Variants in TRHDE observed in about 807,000 individuals in gnomAD.
TRHDE encodes thyrotropin-releasing hormone-degrading ectoenzyme.
TRHDE carries 72 observed loss-of-function variants against 125.7 expected under a neutral mutation model. The observed-to-expected ratio is 0.57, with a 90% CI of 0.47 to 0.70. TRHDE has a LOEUF of 0.70. TRHDE is among the 30% of genes least tolerant of loss of function. The pLI is 0.00. For synonymous variants in TRHDE, 509 were observed against 509.1 expected (o/e 1.00, Z 0.00); for missense variants, 1,110 against 1,327.1 (o/e 0.84, Z 2.54).
intron 7 of TRHDE, among the ~76,000 whole-genome samples, chr12:72,548,614 C>T (rs1869534316): frequency 6.6e-6 from 1 of 151,392 alleles, no homozygotes; most frequent in African/African-American, 2.4e-5. Context: ...CTTTACATGA[C>T]TTGGATTTTT....
At chr12:72,582,666 C>G (rs1871288166) in intron 12 of TRHDE, 1 of 949,566 alleles carries the variant, frequency 1.1e-6, no homozygotes, top group Non-Finnish European at 1.3e-6. Flanking sequence ...AATGTGCTAA[C>G]GTTTCAAAAA....
chr12:72,105,549 C>T (rs1254737009), intron 1 of TRHDE: 2 of 152,122 alleles, frequency 1.3e-5, no homozygotes, highest in Non-Finnish European at 2.9e-5. Flanking sequence ...ATAAAAAATA[C>T]AACACTCCGG....
chr12:72,300,068 T>A (rs1474955801), intron 2 of TRHDE, among the ~76,000 whole-genome samples: 1 of 152,120 alleles, frequency 6.6e-6, no homozygotes, highest in Non-Finnish European at 1.5e-5. Context: ...CAGGAATGGC[T>A]GTGATTTAAT....
intron 2 of TRHDE, among the ~76,000 whole-genome samples, chr12:72,352,118 G>A (rs2044305): frequency 0.33 from 49,372 of 151,558 alleles, 8,627 homozygotes; most frequent in East Asian, 0.38. Context: ...GTCATAACAG[G>A]GTTGTTGTCA....
At chr12:72,458,947 C>T (rs117205868) in intron 3 of TRHDE, among the ~76,000 whole-genome samples, 220 of 152,118 alleles carry the variant, frequency 1.4e-3, no homozygotes, top group South Asian at 2.3e-3. Flanking sequence ...CCTATTGATG[C>T]GATAATAAAT....
chr12:72,456,128 TACAC>T (rs58045175), intron 3 of TRHDE, among the ~76,000 whole-genome samples: 36,496 of 134,518 alleles, frequency 0.27, 5,312 homozygotes, highest in Non-Finnish European at 0.33. Flanking sequence ...AATATGTAAT[TACAC>T]ACACACACAC....
chr12:72,164,389 C>T (rs1336940249), intron 2 of TRHDE, among the ~76,000 whole-genome samples: 1 of 152,100 alleles, frequency 6.6e-6, no homozygotes, highest in African/African-American at 2.4e-5. Flanking sequence ...TTATTAACCT[C>T]AATAGGGAAG....
intron 2 of TRHDE, among the ~76,000 whole-genome samples, chr12:72,165,216 C>A (rs779280946): frequency 7.2e-5 from 11 of 152,244 alleles, no homozygotes; most frequent in Non-Finnish European, 1.2e-4. Flanking sequence ...CTTTGTTACA[C>A]CAAGGGACTT....
intron 10 of TRHDE, among the ~76,000 whole-genome samples, 163 bp from the exon 11 acceptor site, chr12:72,575,091 CA>C (rs1489235251): frequency 6.6e-6 from 1 of 152,008 alleles, no homozygotes; most frequent in Admixed American, 6.6e-5. Flanking sequence ...GTTTTTCTAG[CA>C]AATTCTAGAT....
intron 15 of TRHDE, among the ~76,000 whole-genome samples, chr12:72,641,019 G>A (rs1874036004): frequency 6.6e-6 from 1 of 151,892 alleles, no homozygotes; most frequent in African/African-American, 2.4e-5. Flanking sequence ...TACTCACAGA[G>A]CAAGAAGGGA....
chr12:72,228,429 G>A (rs1343719012), intron 2 of TRHDE, among the ~76,000 whole-genome samples: 1 of 152,180 alleles, frequency 6.6e-6, no homozygotes, highest in Non-Finnish European at 1.5e-5. Flanking sequence ...TTCAGAGACT[G>A]CACAAAGCAT....
chr12:72,426,714 G>C (rs1226528524), intron 3 of TRHDE, among the ~76,000 whole-genome samples: 2 of 142,960 alleles, frequency 1.4e-5, no homozygotes, highest in African/African-American at 5.1e-5. Context: ...CACAAAAATA[G>C]ATTTAAAAAA....
chr12:72,402,058 G>C (rs1422174804), intron 3 of TRHDE, among the ~76,000 whole-genome samples: 4 of 151,992 alleles, frequency 2.6e-5, no homozygotes, highest in Admixed American at 1.3e-4. Context: ...CCACAAACTG[G>C]CTGGCTAAAA....
chr12:72,590,754 T>A (rs546785658), intron 12 of TRHDE, among the ~76,000 whole-genome samples: 3 of 152,300 alleles, frequency 2.0e-5, no homozygotes, highest in Admixed American at 6.5e-5. Flanking sequence ...ATTTAAAAAA[T>A]TTTTATTCTC....
intron 12 of TRHDE, among the ~76,000 whole-genome samples, chr12:72,597,191 C>G (rs1016188420): frequency 2.0e-5 from 3 of 152,148 alleles, no homozygotes; most frequent in African/African-American, 7.2e-5. Flanking sequence ...CACTGCTATG[C>G]CGGAACTCAC....
At chr12:72,364,316 G>A (rs1054810577) in intron 2 of TRHDE, among the ~76,000 whole-genome samples, 20 of 151,982 alleles carry the variant, frequency 1.3e-4, no homozygotes, top group Admixed American at 3.9e-4. Flanking sequence ...ACCTATATCC[G>A]TGTTACTTAC....
At chr12:72,641,993 C>A (rs1212032813) in intron 15 of TRHDE, among the ~76,000 whole-genome samples, 2 of 152,146 alleles carry the variant, frequency 1.3e-5, no homozygotes, top group African/African-American at 4.8e-5. Context: ...TGATTAAAGA[C>A]CTCATGAAAG....
chr12:72,238,319 T>TATATATATAC (rs1878394816), intron 2 of TRHDE, among the ~76,000 whole-genome samples: 3 of 28,694 alleles, frequency 1.0e-4, no homozygotes. Context: ...TATATATATA[T>TATATATATAC]ATACATATAT....
chr12:72,585,514 A>T, intron 12 of TRHDE, among the ~76,000 whole-genome samples: 1 of 152,192 alleles, frequency 6.6e-6, no homozygotes, highest in South Asian at 2.1e-4. Flanking sequence ...TTCTGAACCG[A>T]CCCCTTTCCT....
Sources: allele counts gnomAD v4.1 joint callset (sites outside exome capture counted in the v4.1 genomes callset), GRCh38; gene constraint gnomAD v4.1.1; transcripts MANE v1.5; gene names NCBI Gene and HGNC (gene_info 2026-07-23, HGNC 2026-07-21).